The following FBXO42 variants were observed in gnomAD, a reference collection of about 807,000 sequenced individuals.
FBXO42 encodes F-box only protein 42.
Under a neutral mutation model 71.7 loss-of-function variants are expected in FBXO42, and 12 were observed. That is an observed-to-expected ratio of 0.17 (90% confidence interval 0.11 to 0.27). The LOEUF (loss-of-function observed/expected upper bound fraction) is 0.27. Ranked by LOEUF, FBXO42 falls within the 10% of genes least tolerant of loss-of-function variation. The pLI, the probability that FBXO42 is intolerant of heterozygous loss-of-function variation, is 1.00. For synonymous variants in FBXO42, 325 were observed against 327.5 expected, an observed-to-expected ratio of 0.99 and a Z score of 0.08; for missense variants, 707 against 911.9, an observed-to-expected ratio of 0.78 and a Z score of 2.89.
intron 1 of FBXO42, among the ~76,000 whole-genome samples, chr1:16,323,522 C>A (rs547866652): frequency 6.6e-6 from 1 of 151,712 alleles, no homozygotes; most frequent in Middle Eastern, 3.4e-3. Flanking sequence ...CAGGGCCGGG[C>A]GCAGTGGCTC....
intron 2 of FBXO42, among the ~76,000 whole-genome samples, chr1:16,307,234 C>G (rs889137595): frequency 8.5e-5 from 13 of 152,140 alleles, no homozygotes; most frequent in Non-Finnish European, 1.6e-4. Flanking sequence ...CGCAGTGGCT[C>G]ACACCTGTAA....
chr1:16,321,240 T>C (rs1018904405), intron 1 of FBXO42, among the ~76,000 whole-genome samples: 3 of 152,216 alleles, frequency 2.0e-5, no homozygotes, highest in Non-Finnish European at 2.9e-5. Flanking sequence ...TAGCCACAGA[T>C]GCCAAGGAGA....
chr1:16,284,590 G>A (rs1376789098), intron 4 of FBXO42, among the ~76,000 whole-genome samples: 1 of 152,124 alleles, frequency 6.6e-6, no homozygotes, highest in Admixed American at 6.6e-5. Context: ...CCAGCACTTT[G>A]GGAGGCCAAG....
chr1:16,281,964 T>C (rs2100502310), intron 4 of FBXO42, among the ~76,000 whole-genome samples: 1 of 151,354 alleles, frequency 6.6e-6, no homozygotes. Flanking sequence ...ACTCCCAAAG[T>C]GCTGGGATTA....
intron 2 of FBXO42, among the ~76,000 whole-genome samples, chr1:16,312,570 A>T (rs1354435579): frequency 1.3e-5 from 2 of 152,140 alleles, no homozygotes; most frequent in African/African-American, 4.8e-5. Context: ...TGAAGCTATT[A>T]TGATATTATA....
At chr1:16,336,286 C>A (rs143017709) in intron 1 of FBXO42, among the ~76,000 whole-genome samples, 367 of 151,866 alleles carry the variant, frequency 2.4e-3, no homozygotes, top group African/African-American at 8.1e-3. Context: ...ATTCCTCTCT[C>A]CTTCAGCCAA....
intron 1 of FBXO42, among the ~76,000 whole-genome samples, chr1:16,336,372 T>G (rs952211606): frequency 1.8e-4 from 27 of 152,048 alleles, no homozygotes; most frequent in African/African-American, 6.3e-4. Context: ...TTTTGTTTTT[T>G]TTTTGAGATG....
In FBXO42 at chr1:16,251,986, C is replaced by T. The variant is rs2081596854; in HGVS notation, c.1039-201G>A. Among the ~76,000 whole-genome samples the T allele has an allele frequency of 6.6e-6, 1 of 152,118 alleles. No homozygotes were observed. On this transcript the variant is annotated intron_variant, in intron 9 of 9. Coordinates refer to ENST00000375592, the MANE Select transcript of FBXO42 (RefSeq NM_018994.3). The surrounding 1 kb of genome is among the most constrained non-coding windows in gnomAD (Gnocchi z 4.5). ...CGCTGCTTTGTGTGACATATGCTAT[C>T]ATTAGAGATATGTATACAGAAGGGG...
At chr1:16,307,316 T>C (rs372326677) in intron 2 of FBXO42, among the ~76,000 whole-genome samples, 4 of 152,210 alleles carry the variant, frequency 2.6e-5, no homozygotes, top group South Asian at 4.1e-4. Context: ...CCGGGCAACA[T>C]AGCAAGACCC....
chr1:16,316,306 C>G (rs1311428742), intron 1 of FBXO42, among the ~76,000 whole-genome samples: 1 of 152,078 alleles, frequency 6.6e-6, no homozygotes, highest in African/African-American at 2.4e-5. Context: ...GGTGTTTACC[C>G]CGAGATAACT....
chr1:16,309,818 G>C (rs1411591192), intron 2 of FBXO42, among the ~76,000 whole-genome samples: 3 of 151,860 alleles, frequency 2.0e-5, no homozygotes, highest in African/African-American at 2.4e-5. Context: ...GCCGAGGTGG[G>C]TGATCACTTG....
At chr1:16,332,838 G>C (rs974453258) in intron 1 of FBXO42, among the ~76,000 whole-genome samples, 2 of 152,130 alleles carry the variant, frequency 1.3e-5, no homozygotes, top group African/African-American at 2.4e-5. Flanking sequence ...ACTGCGCCTG[G>C]CCTCGACTAA....
chr1:16,332,920 A>G (rs2082513516), intron 1 of FBXO42, among the ~76,000 whole-genome samples: 1 of 152,198 alleles, frequency 6.6e-6, no homozygotes, highest in Non-Finnish European at 1.5e-5. Flanking sequence ...TTTAACAATG[A>G]GAAGAGTAGT....
At chr1:16,303,744 TTTTTA>T (rs1389940897) in intron 3 of FBXO42, among the ~76,000 whole-genome samples, 1 of 151,872 alleles carries the variant, frequency 6.6e-6, no homozygotes, top group Non-Finnish European at 1.5e-5. Flanking sequence ...ATTGTTTATA[TTTTTA>T]TTTTATTTAT....
At position 16,294,720 on chromosome 1, in the gene FBXO42, T is replaced by TAG; in HGVS notation, c.502+61_502+62dup. The TAG allele has an allele frequency of 2.5e-6, 4 of 1,571,580 alleles. No homozygotes were observed. The Admixed American group carries it at 7.2e-5, about 28-fold the overall frequency. ...GAGACCAACACCAAAAATGATCAGGTAGAGTTTCCATGCCAAGGGAGTCAC... is the reference window on the plus strand; with the variant it reads ...GAGACCAACACCAAAAATGATCAGGTAGAGAGTTTCCATGCCAAGGGAGTCAC... On this transcript the variant is annotated intron_variant, in intron 4 of 9. Coordinates refer to ENST00000375592, the MANE Select transcript of FBXO42 (RefSeq NM_018994.3).
At chr1:16,293,008 G>A (rs1161816699) in intron 4 of FBXO42, 1 of 152,180 alleles carries the variant, frequency 6.6e-6, no homozygotes, top group Admixed American at 6.6e-5. Flanking sequence ...AACAGAAGCT[G>A]TAACTCCAAA....
At chr1:16,352,105 A>AAGTC (rs1303550878) in intron 1 of FBXO42, 150 bp downstream of exon 1, 21 of 368,448 alleles carry the variant, frequency 5.7e-5, no homozygotes, top group East Asian at 3.9e-4. Context: ...CGGCGATAGC[A>AAGTC]AGTCACCCTG....
chr1:16,270,945 A>T (rs536587946), intron 4 of FBXO42, among the ~76,000 whole-genome samples: 1 of 146,766 alleles, frequency 6.8e-6, no homozygotes, highest in Non-Finnish European at 1.5e-5. Flanking sequence ...CCAAGGGGGG[A>T]AAAAAAAAAC....
intron 1 of FBXO42, among the ~76,000 whole-genome samples, chr1:16,335,344 C>T (rs777953633): frequency 5.1e-4 from 78 of 152,158 alleles, no homozygotes; most frequent in Non-Finnish European, 6.5e-4. Context: ...CGCCACATCG[C>T]CCAGGCTGGT....
Sources: gnomAD v4.1 joint callset for allele counts (sites outside exome capture counted in the v4.1 genomes callset) on GRCh38, gnomAD v4.1.1 for gene constraint, Gnocchi (gnomAD v3.1) non-coding constraint, MANE v1.5 for transcripts, NCBI Gene and HGNC (gene_info 2026-07-23, HGNC 2026-07-21) for gene names.